Variants in SORCS1 observed in about 807,000 individuals in gnomAD.
SORCS1 encodes sortilin related VPS10 domain containing receptor 1.
Under a neutral mutation model 146.1 loss-of-function variants are expected in SORCS1, and 60 were observed. That is an observed-to-expected ratio of 0.41 (90% CI 0.33 to 0.51). The LOEUF (loss-of-function observed/expected upper bound fraction) is 0.51. Among genes scored for constraint, SORCS1 ranks in the 20% least tolerant of loss-of-function variants. The pLI, the probability that SORCS1 is intolerant of heterozygous loss-of-function variation, is 0.21. For missense variants in SORCS1, 1,352 were observed against 1,487.6 expected, an observed-to-expected ratio of 0.91 and a Z score of 1.50; for synonymous variants, 637 against 584.0, an observed-to-expected ratio of 1.09 and a Z score of -1.31.
chr10:107,062,821 G>C (rs1207969102), intron 1 of SORCS1, among the ~76,000 whole-genome samples: 1 of 152,188 alleles, frequency 6.6e-6, no homozygotes, highest in African/African-American at 2.4e-5. Context: ...TGTGAAGTCA[G>C]TGGTAAGGAT....
rs117698568 is a variant in SORCS1, at chr10:106,587,266, C to A, written c.3266-7792G>T. 3.0e-3 allele frequency among the ~76,000 whole-genome samples: 457 copies of A among 152,078 alleles called. 8 individuals are homozygous for A. In the East Asian group the frequency reaches 0.046, roughly 15 times the overall value. ...ATTACTATGTAGATAATACGGTGACCGAAAACTAAAGAGACAGATAAACTT... is the reference window on the plus strand; with the variant it reads ...ATTACTATGTAGATAATACGGTGACAGAAAACTAAAGAGACAGATAAACTT... On this transcript the variant is annotated intron_variant, in intron 24 of 25. Coordinates refer to ENST00000263054, the MANE Select transcript of SORCS1 (RefSeq NM_052918.5).
At chr10:107,148,346 G>T (rs1968505599) in intron 1 of SORCS1, among the ~76,000 whole-genome samples, 1 of 152,216 alleles carries the variant, frequency 6.6e-6, no homozygotes, top group South Asian at 2.1e-4. Context: ...CAACTTTGTT[G>T]TTGTAGCAGG....
intron 1 of SORCS1, among the ~76,000 whole-genome samples, chr10:106,987,327 T>C (rs117993445): frequency 0.023 from 3,484 of 152,324 alleles, 50 homozygotes; most frequent in Middle Eastern, 0.051. Flanking sequence ...CTGTTTCCCC[T>C]GCAGTGATCA....
chr10:106,912,971 C>T lies in SORCS1; in HGVS notation c.626+43542G>A, dbSNP rs551124866. Among the ~76,000 whole-genome samples the T allele has an allele frequency of 1.3e-4, 20 of 152,206 alleles. No homozygotes were observed. The South Asian group carries it at 3.3e-3, about 25-fold the overall frequency. On this transcript the variant is annotated intron_variant, in intron 2 of 25. Transcript: ENST00000263054. ...CTGGGATTACAGGCATGAGCCACTG[C>T]GCCCGGCCAGGCATTGCTGAATTTT... is the stretch of plus-strand genomic sequence containing the variant.
intron 2 of SORCS1, among the ~76,000 whole-genome samples, chr10:106,926,416 T>G (rs181042926): frequency 5.3e-5 from 8 of 152,284 alleles, no homozygotes; most frequent in Non-Finnish European, 4.4e-5. Flanking sequence ...TTCCTGAGCC[T>G]CAACTGTCTC....
rs1368327754 is a variant in SORCS1, at chr10:106,629,243, C to A, written c.2621G>T (p.Ser874Ile). ...IFRVTVQVDN[S>I]LGSDSAVLYL... ...CAGGACGGCGCTGTCAGAACCCAGACTGTTGTCCACCTGCACGGTCACACG... is the reference window on the plus strand; with the variant it reads ...CAGGACGGCGCTGTCAGAACCCAGAATGTTGTCCACCTGCACGGTCACACG... Residue 874 changes from serine (S) to isoleucine (I), a missense_variant, in exon 19 of 26, where the codon AGT becomes ATT. Around this residue, in one of 3 missense-constraint regions of SORCS1, gnomAD observed 648 missense variants for 793.8 expected, o/e 0.82. Transcript: ENST00000263054. 1 of 1,613,966 alleles carries A rather than the reference C, an allele frequency of 6.2e-7. No homozygotes were observed. The highest frequency in any genetic ancestry group is 8.5e-7 in the Non-Finnish European group (1 of 1,179,994).
chr10:106,615,160 T>A (rs1847273182), intron 21 of SORCS1, among the ~76,000 whole-genome samples: 1 of 152,214 alleles, frequency 6.6e-6, no homozygotes, highest in Admixed American at 6.5e-5. Context: ...AAACTTACAA[T>A]TGTAAATTCC....
chr10:107,131,087 C>A (rs1438850837), intron 1 of SORCS1, among the ~76,000 whole-genome samples: 4 of 152,186 alleles, frequency 2.6e-5, no homozygotes, highest in African/African-American at 9.6e-5. Flanking sequence ...TTGCAAACAC[C>A]ACGTGTAGGT....
At chr10:106,807,982 C>T (rs866471794) in intron 3 of SORCS1, among the ~76,000 whole-genome samples, 3 of 152,290 alleles carry the variant, frequency 2.0e-5, no homozygotes, top group East Asian at 1.9e-4. Context: ...CACCCTTTTC[C>T]GAGTTTCTTC....
chr10:106,756,194 G>C (rs192353703), intron 5 of SORCS1, among the ~76,000 whole-genome samples: 1 of 151,870 alleles, frequency 6.6e-6, no homozygotes, highest in East Asian at 1.9e-4. Flanking sequence ...CACAAAATGG[G>C]GAAAGCAAAC....
chr10:107,013,570 G>T (rs1399643316), intron 1 of SORCS1, among the ~76,000 whole-genome samples: 2 of 152,000 alleles, frequency 1.3e-5, no homozygotes, highest in Non-Finnish European at 2.9e-5. Context: ...TCAATAATGG[G>T]GCTGTCTTTG....
chr10:106,601,283 T>C (rs1846226288), intron 23 of SORCS1, among the ~76,000 whole-genome samples: 2 of 152,238 alleles, frequency 1.3e-5, no homozygotes, highest in Non-Finnish European at 2.9e-5. Flanking sequence ...AAAAGCGTGT[T>C]GTCTTAACAA....
intron 1 of SORCS1, among the ~76,000 whole-genome samples, chr10:107,052,621 C>T (rs1214470797): frequency 6.6e-6 from 1 of 152,078 alleles, no homozygotes; most frequent in African/African-American, 2.4e-5. Context: ...ATTCCAACCT[C>T]CATGGTCACA....
chr10:106,576,834 GCTA>G lies in SORCS1; in HGVS notation c.*583_*585del. On this transcript the variant is annotated 3_prime_UTR_variant, in exon 26 of 26. Transcript: ENST00000263054. ...GTGTCTTATGAAAGGAGCTGGGGTA[GCTA>G]ATCCACCCATCAGCCTTTAATGCTA... 5.8e-6 allele frequency: 1 copy of G among 172,064 alleles called. No homozygotes were observed. Among genetic ancestry groups the G allele is most frequent in the Non-Finnish European group, 1.2e-5 (1 of 80,468 alleles). 10.7% of individuals were successfully genotyped at this position (172,064 alleles called of 1,614,324 possible).
chr10:106,792,519 T>G (rs1946365241), intron 3 of SORCS1, among the ~76,000 whole-genome samples: 1 of 152,234 alleles, frequency 6.6e-6, no homozygotes, highest in South Asian at 2.1e-4. Context: ...AGAGTGAAAT[T>G]AGGCATGGAG....
intron 6 of SORCS1, among the ~76,000 whole-genome samples, chr10:106,723,392 G>A (rs866720581): frequency 2.1e-4 from 12 of 58,516 alleles, no homozygotes; most frequent in African/African-American, 2.7e-4. Flanking sequence ...GGGCTCCTAC[G>A]ATGCACACAC....
intron 4 of SORCS1, among the ~76,000 whole-genome samples, chr10:106,765,265 C>T (rs531052054): frequency 1.3e-5 from 2 of 152,210 alleles, no homozygotes; most frequent in African/African-American, 4.8e-5. Flanking sequence ...CTCACCTGTG[C>T]TCAAGATCTA....
chr10:107,114,617 G>A (rs1965902781), intron 1 of SORCS1, among the ~76,000 whole-genome samples: 1 of 152,052 alleles, frequency 6.6e-6, no homozygotes, highest in Admixed American at 6.6e-5. Flanking sequence ...ACATGTTAAA[G>A]GCCATACATG....
intron 17 of SORCS1, among the ~76,000 whole-genome samples, chr10:106,653,464 T>C (rs1850039541): frequency 6.6e-6 from 1 of 152,216 alleles, no homozygotes; most frequent in Non-Finnish European, 1.5e-5. Flanking sequence ...GCAAACTTTT[T>C]ATATAAACAG....
Sources: allele counts gnomAD v4.1 joint callset (sites outside exome capture counted in the v4.1 genomes callset), GRCh38; gene constraint gnomAD v4.1.1; regional missense constraint gnomAD v4.1.1; transcripts MANE v1.5; gene names NCBI Gene and HGNC (gene_info 2026-07-23, HGNC 2026-07-21).